The following KIAA0513 variants were observed in gnomAD, a reference collection of about 807,000 sequenced individuals.
The protein encoded by KIAA0513 is uncharacterized protein KIAA0513.
A neutral mutation model predicts 56.5 loss-of-function variants in KIAA0513; 39 were observed. The ratio of observed to expected loss-of-function variants is 0.69; its 90% CI spans 0.53 to 0.90. The LOEUF (loss-of-function observed/expected upper bound fraction) is 0.90. KIAA0513 is among the 40% of genes least tolerant of loss of function. The pLI is 0.00. For missense variants in KIAA0513, 591 were observed against 535.2 expected, an observed-to-expected ratio of 1.10 and a Z score of -1.03; for synonymous variants, 268 against 215.6, an observed-to-expected ratio of 1.24 and a Z score of -2.13.
intron 1 of KIAA0513, among the ~76,000 whole-genome samples, chr16:85,053,625 T>G (rs543772678): frequency 6.2e-4 from 95 of 152,274 alleles, no homozygotes; most frequent in African/African-American, 2.1e-3. Flanking sequence ...ATTTTATACA[T>G]TACTAAGAAA....
chr16:85,075,604 C>G (rs1045635002), intron 4 of KIAA0513, among the ~76,000 whole-genome samples: 10 of 152,226 alleles, frequency 6.6e-5, no homozygotes, highest in Admixed American at 5.9e-4. Context: ...GGGCTTTCAC[C>G]TTTCCAGTGA....
intron 12 of KIAA0513, 38 bp downstream of exon 12, chr16:85,087,204 G>C: frequency 6.4e-7 from 1 of 1,553,752 alleles, no homozygotes; most frequent in Non-Finnish European, 8.9e-7. Flanking sequence ...AGGCGGGCAG[G>C]GCTGGGGTCA....
intron 1 of KIAA0513, among the ~76,000 whole-genome samples, chr16:85,062,497 G>A (rs868825675): frequency 3.9e-5 from 6 of 152,144 alleles, no homozygotes; most frequent in African/African-American, 9.7e-5. Context: ...TCCTATCTGC[G>A]GTGACACAGA....
intron 6 of KIAA0513, 88 bp from the exon 7 acceptor site, chr16:85,078,327 C>G: frequency 7.0e-7 from 1 of 1,423,846 alleles, no homozygotes; most frequent in Non-Finnish European, 9.8e-7. Context: ...TGTACCCAGT[C>G]CCACCTTAGA....
rs891392502 is a variant in KIAA0513, at chr16:85,072,470, A to G, written c.430-455A>G. Among the ~76,000 whole-genome samples the G allele has an allele frequency of 4.1e-5, 6 of 147,570 alleles. No homozygotes were observed. In the Admixed American group the frequency reaches 4.1e-4, roughly 10 times the overall value. ...AAGAATTAAATTTTGTAAATATCCAATAGGTTCTTTTTTTTTTTTCCTGAG... is the reference window on the plus strand; with the variant it reads ...AAGAATTAAATTTTGTAAATATCCAGTAGGTTCTTTTTTTTTTTTCCTGAG... On this transcript the variant is annotated intron_variant, in intron 3 of 12. Transcript: ENST00000683363.
At chr16:85,059,269 G>A (rs916628134) in intron 1 of KIAA0513, among the ~76,000 whole-genome samples, 1 of 151,942 alleles carries the variant, frequency 6.6e-6, no homozygotes, top group South Asian at 2.1e-4. Flanking sequence ...CAGTATTGCT[G>A]TGTTTCCCTC....
At chr16:85,044,517 T>G (rs866531572) in intron 1 of KIAA0513, among the ~76,000 whole-genome samples, 1 of 151,750 alleles carries the variant, frequency 6.6e-6, no homozygotes, top group South Asian at 2.1e-4. Context: ...TTTATTTTTT[T>G]TTTTTTTTGA....
At chr16:85,084,810 G>A (rs771691875) in intron 10 of KIAA0513, among the ~76,000 whole-genome samples, 28 of 150,986 alleles carry the variant, frequency 1.9e-4, no homozygotes, top group Non-Finnish European at 3.1e-4. Flanking sequence ...TAATCTGACC[G>A]CCTCGGCCTC....
chr16:85,079,939 G>C (rs918910114), intron 8 of KIAA0513, among the ~76,000 whole-genome samples: 20 of 152,212 alleles, frequency 1.3e-4, no homozygotes, highest in African/African-American at 4.8e-4. Context: ...TCTCTCTGAA[G>C]CCTCTCCTCG....
rs2073898919 is a variant in KIAA0513, at chr16:85,094,167, G to A, written c.*5842G>A. On this transcript the variant is annotated 3_prime_UTR_variant, in exon 13 of 13. Coordinates refer to ENST00000683363, the MANE Select transcript of KIAA0513 (RefSeq NM_001388359.1). Reference sequence around the variant, plus strand: ...GTGTTTGCTGTGAAGAAAAACATGTGTATATATTGCACCTTGAGTTGTCAG... The same window carrying A: ...GTGTTTGCTGTGAAGAAAAACATGTATATATATTGCACCTTGAGTTGTCAG... 1 of 151,960 alleles carries A rather than the reference G, an allele frequency of 6.6e-6. No homozygotes were observed. Among genetic ancestry groups the A allele is most frequent in the Admixed American group, 6.6e-5 (1 of 15,246 alleles). 9.4% of individuals were successfully genotyped at this position (151,960 alleles called of 1,614,324 possible).
rs1217864734 is a variant in KIAA0513, at chr16:85,087,131, T to G, written c.1151T>G (p.Leu384Arg). 6.2e-7 allele frequency: 1 copy of G among 1,614,190 alleles called. No individual in the cohort carries two copies. ...GLNKKLCNDF[L>R]KKQAVIGNLD... ...AACAAGAAGCTGTGCAATGACTTCC[T>G]GAAGAAGCAGGCTGTGATTGGCAAC... The change falls in exon 12 of 13, where the codon CTG becomes CGG. Residue 384 changes from leucine (L) to arginine (R), a missense_variant. Physicochemically the swap from Leu to Arg is moderately radical, Grantham distance 102. Transcript: ENST00000683363.
intron 1 of KIAA0513, among the ~76,000 whole-genome samples, chr16:85,032,697 C>G (rs2072982039): frequency 6.6e-6 from 1 of 152,010 alleles, no homozygotes; most frequent in South Asian, 2.1e-4. Flanking sequence ...GTGGCACAAT[C>G]TTGGCTTACT....
chr16:85,088,244 C>A, intron 12 of KIAA0513, 32 bp from the exon 13 acceptor site: 1 of 1,604,708 alleles, frequency 6.2e-7, no homozygotes, highest in South Asian at 1.1e-5. Context: ...CACTGTCTTT[C>A]ATCTGAGAAA....
chr16:85,042,074 G>C (rs997056564), intron 1 of KIAA0513, among the ~76,000 whole-genome samples: 7 of 152,258 alleles, frequency 4.6e-5, no homozygotes, highest in Middle Eastern at 6.8e-3. Context: ...ATTAATTAGT[G>C]CACAGCTGTT....
chr16:85,077,338 C>T (rs1416855709), intron 5 of KIAA0513, 87 bp from the exon 6 acceptor site: 2 of 1,278,596 alleles, frequency 1.6e-6, no homozygotes, highest in Admixed American at 2.0e-5. Flanking sequence ...TGCACAGGAC[C>T]CCTGCGGGGC....
chr16:85,060,549 G>A (rs2073389040), intron 1 of KIAA0513, among the ~76,000 whole-genome samples: 1 of 152,306 alleles, frequency 6.6e-6, no homozygotes, highest in Non-Finnish European at 1.5e-5. Flanking sequence ...CAGTTGAAAT[G>A]AAGGTCAGGC....
rs1400127297 is a variant in KIAA0513, at chr16:85,092,452, C to T, written c.*4127C>T. The T allele has an allele frequency of 6.6e-6, 1 of 152,206 alleles. No individual in the cohort carries two copies. Among genetic ancestry groups the T allele is most frequent in the East Asian group, 1.9e-4 (1 of 5,194 alleles). 9.4% of individuals were successfully genotyped at this position (152,206 alleles called of 1,614,324 possible). A position where few individuals can be genotyped will look rare whatever the true frequency, so the allele number is the denominator to read the frequency against. ...TGCTCGCAGGGTGGCAGTGGCCCAG[C>T]CCCAGCCTCAGGGACGGGGAGGGAG... On this transcript the variant is annotated 3_prime_UTR_variant, in exon 13 of 13. Coordinates refer to ENST00000683363, the MANE Select transcript of KIAA0513 (RefSeq NM_001388359.1).
At position 85,088,459 on chromosome 16, in the gene KIAA0513, T is replaced by A; in HGVS notation, c.*134T>A. On this transcript the variant is annotated 3_prime_UTR_variant, in exon 13 of 13. Coordinates refer to ENST00000683363, the MANE Select transcript of KIAA0513 (RefSeq NM_001388359.1). The stretch of plus-strand genomic sequence containing the variant: ...AGAGCCACTCCTGCTGCCCTAGAAC[T>A]AGCGGTTAGAAGAATCCGCTGTTCC... 1 of 703,860 alleles carries A rather than the reference T, an allele frequency of 1.4e-6. No individual in the cohort carries two copies. The highest frequency in any genetic ancestry group is 2.5e-6 in the Non-Finnish European group (1 of 405,858). The allele number at this position is 703,860 out of a possible 1,614,324, so 43.6% of individuals were successfully genotyped here. A position where few individuals can be genotyped will look rare whatever the true frequency, so the allele number is the denominator to read the frequency against.
chr16:85,086,587 G>A, intron 10 of KIAA0513, 57 bp from the exon 11 acceptor site: 1 of 1,541,422 alleles, frequency 6.5e-7, no homozygotes. Flanking sequence ...AGGGCGAGGA[G>A]CTGGGGCAAG....
Sources: gnomAD v4.1 joint callset for allele counts (sites outside exome capture counted in the v4.1 genomes callset) on GRCh38, gnomAD v4.1.1 for gene constraint, MANE v1.5 for transcripts, NCBI Gene and HGNC (gene_info 2026-07-23, HGNC 2026-07-21) for gene names.